The following RAB43 variants were observed in gnomAD, a reference collection of about 807,000 sequenced individuals.
RAB43 encodes the protein ras-related protein Rab-43.
A neutral mutation model predicts 18.8 loss-of-function variants in RAB43; 6 were observed. The observed-to-expected ratio is 0.32, with a 90% CI of 0.17 to 0.63. RAB43 has a LOEUF of 0.63. Ranked by LOEUF, RAB43 falls within the 30% of genes least tolerant of loss-of-function variation. The probability of loss-of-function intolerance (pLI) is 0.79; values close to 1 mark genes in which losing one functional copy is unlikely to be tolerated. For missense variants in RAB43, 195 were observed against 289.1 expected (o/e 0.67, Z 2.36); for synonymous variants, 103 against 124.1 (o/e 0.83, Z 1.13).
intron 2 of RAB43, 103 bp from the exon 3 acceptor site, chr3:129,091,449 C>T (rs951145724): frequency 7.2e-7 from 1 of 1,397,096 alleles, no homozygotes; most frequent in South Asian, 1.4e-5. Context: ...CCTTCCACCA[C>T]TATAAATGGA....
At chr3:129,092,619 T>C (rs965778051) in intron 2 of RAB43, 17 of 583,974 alleles carry the variant, frequency 2.9e-5, no homozygotes, top group Non-Finnish European at 5.2e-5. Context: ...TGTATATAAG[T>C]ATGCATAAAT....
Position 129,121,681 on chromosome 3 carries a change from C to A in RAB43, c.-192G>T. 1 of 386,038 alleles carries A rather than the reference C, an allele frequency of 2.6e-6. No homozygotes were observed. Among genetic ancestry groups the A allele is most frequent in the Non-Finnish European group, 4.5e-6 (1 of 224,280 alleles). 23.9% of individuals were successfully genotyped at this position (386,038 alleles called of 1,614,324 possible). A position where few individuals can be genotyped will look rare whatever the true frequency, so the allele number is the denominator to read the frequency against. On this transcript the variant is annotated 5_prime_UTR_variant, in exon 1 of 3. Coordinates refer to ENST00000315150, the MANE Select transcript of RAB43 (RefSeq NM_198490.3). Reference sequence around the variant, plus strand: ...GCCCCGCCCCACCCCGGCTGGCTCCCGCCCCGGCCCGGCTCGGCCCCGCCC... The same window carrying A: ...GCCCCGCCCCACCCCGGCTGGCTCCAGCCCCGGCCCGGCTCGGCCCCGCCC...
chr3:129,102,032 T>A (rs1934450032), intron 1 of RAB43, among the ~76,000 whole-genome samples: 1 of 152,200 alleles, frequency 6.6e-6, no homozygotes, highest in South Asian at 2.1e-4. Flanking sequence ...CATGCCTCCA[T>A]GACCCAGAAG....
intron 1 of RAB43, among the ~76,000 whole-genome samples, chr3:129,112,555 G>T (rs1935238623): frequency 6.6e-6 from 1 of 152,114 alleles, no homozygotes; most frequent in Non-Finnish European, 1.5e-5. Flanking sequence ...CTGAAGGCCA[G>T]GCTTTTAGGT....
Position 129,121,739 on chromosome 3 carries a change from C to T in RAB43, c.-250G>A. The stretch of plus-strand genomic sequence containing the variant: ...GTGCCCCGCGGGTTCGGCTCCCCCC[C>T]GGACCCGCCAAGCCGGGCCCTCCGC... On this transcript the variant is annotated 5_prime_UTR_variant, in exon 1 of 3. Transcript: ENST00000315150. The T allele has an allele frequency of 3.7e-6, 1 of 266,862 alleles. No homozygotes were observed. Among genetic ancestry groups the T allele is most frequent in the East Asian group, 7.0e-5 (1 of 14,298 alleles). The allele number at this position is 266,862 out of a possible 1,614,324, so 16.5% of individuals were successfully genotyped here.
chr3:129,091,392 A>C (rs558639900), intron 2 of RAB43, 46 bp from the exon 3 acceptor site: 4 of 1,573,188 alleles, frequency 2.5e-6, no homozygotes, highest in South Asian at 1.1e-5. Flanking sequence ...GGGCTGGGCA[A>C]GCCCAGTCCC....
At chr3:129,093,777 T>A (rs1387089232) in intron 2 of RAB43, among the ~76,000 whole-genome samples, 1 of 151,536 alleles carries the variant, frequency 6.6e-6, no homozygotes, top group East Asian at 2.0e-4. Flanking sequence ...GTCTGTACAT[T>A]TGAGTCAGAA....
At chr3:129,106,708 C>T (rs1050343812) in intron 1 of RAB43, among the ~76,000 whole-genome samples, 9 of 152,252 alleles carry the variant, frequency 5.9e-5, no homozygotes, top group African/African-American at 1.7e-4. Flanking sequence ...GTGTCGGGGG[C>T]ACAAATTCTC....
Position 129,121,643 on chromosome 3 carries a change from TGCCTCG to T in RAB43, c.-160_-155del, listed in dbSNP as rs1224097460. 8.7e-5 allele frequency: 46 copies of T among 528,878 alleles called. No individual in the cohort carries two copies. The highest frequency in any genetic ancestry group is 1.0e-4 in the Non-Finnish European group (34 of 326,368). 32.8% of individuals were successfully genotyped at this position (528,878 alleles called of 1,614,324 possible). A position where few individuals can be genotyped will look rare whatever the true frequency, so the allele number is the denominator to read the frequency against. On this transcript the variant is annotated 5_prime_UTR_variant, in exon 1 of 3. Coordinates refer to ENST00000315150, the MANE Select transcript of RAB43 (RefSeq NM_198490.3). Reference sequence around the variant, plus strand: ...TGAACCCCCAGCACTGCCGACCGCCTGCCTCGGCCTCGGCCCCGCCCCACCCCGGCT... The same window carrying T: ...TGAACCCCCAGCACTGCCGACCGCCTGCCTCGGCCCCGCCCCACCCCGGCT...
At chr3:129,091,486 C>T in intron 2 of RAB43, 140 bp from the exon 3 acceptor site, 2 of 1,184,482 alleles carry the variant, frequency 1.7e-6, no homozygotes. Flanking sequence ...ATCTGTCTTT[C>T]TTTAAAAAAC....
chr3:129,099,457 G>A lies in RAB43; in HGVS notation c.205-4288C>T, dbSNP rs375342128. On this transcript the variant is annotated intron_variant, in intron 1 of 2. Coordinates refer to ENST00000315150, the MANE Select transcript of RAB43 (RefSeq NM_198490.3). ...GCTGGAGTGCAATGGCACGATCTTCGCTCACCGCAACCTCCGCCTCCTGAG... is the reference window on the plus strand; with the variant it reads ...GCTGGAGTGCAATGGCACGATCTTCACTCACCGCAACCTCCGCCTCCTGAG... 4.9e-4 allele frequency among the ~76,000 whole-genome samples: 75 copies of A among 151,722 alleles called. 1 individual carries two copies. Among genetic ancestry groups the A allele is most frequent in the African/African-American group, 1.7e-3 (72 of 41,326 alleles).
chr3:129,107,490 G>T lies in RAB43; in HGVS notation c.205-12321C>A, dbSNP rs553801767. On this transcript the variant is annotated intron_variant, in intron 1 of 2. Coordinates refer to ENST00000315150, the MANE Select transcript of RAB43 (RefSeq NM_198490.3). The surrounding 1 kb of genome is among the most constrained non-coding windows in gnomAD (Gnocchi z 4.2). ...TGCCACCCAAACACCTTGCTTGCTT[G>T]CAGGCTCCTTTCAGCACCAGGGAAA... Among the ~76,000 whole-genome samples, 1 of 152,202 alleles carries T rather than the reference G, an allele frequency of 6.6e-6. No individual in the cohort carries two copies. The highest frequency in any genetic ancestry group is 2.1e-4 in the South Asian group (1 of 4,826).
Position 129,095,149 on chromosome 3 carries a change from G to A in RAB43, c.225C>T (p.Ala75=), listed in dbSNP as rs746325910. The change falls in exon 2 of 3, where the codon GCC becomes GCT. Residue 75 remains alanine (A), a synonymous_variant. Transcript: ENST00000315150. This position sits in a 1 kb window ranked among gnomAD's most constrained non-coding sequence, Gnocchi z 4.2. The part of the protein sequence containing the change: ...KRVKLQIWDT[A]GQERFRTITQ... ...TGATGGTGCGGAACCGCTCCTGGCC[G>A]GCCGTGTCCCAGATCTGCAGCTAAA... 27 of 1,612,894 alleles carry A rather than the reference G, an allele frequency of 1.7e-5. No homozygotes were observed. The Middle Eastern group carries it at 6.6e-4, about 39-fold the overall frequency.
At chr3:129,096,842 G>T (rs1559995955) in intron 1 of RAB43, among the ~76,000 whole-genome samples, 1 of 152,200 alleles carries the variant, frequency 6.6e-6, no homozygotes, top group Non-Finnish European at 1.5e-5. Context: ...GCCAGGTGCG[G>T]TGGCTCAAGC....
intron 1 of RAB43, among the ~76,000 whole-genome samples, chr3:129,106,056 G>A (rs999439064): frequency 1.3e-5 from 2 of 152,166 alleles, no homozygotes; most frequent in Middle Eastern, 3.2e-3. Context: ...TGCTTTCCAG[G>A]GATTCCTAGT....
intron 2 of RAB43, among the ~76,000 whole-genome samples, chr3:129,092,883 G>C (rs1227831693): frequency 6.6e-6 from 1 of 151,818 alleles, no homozygotes; most frequent in Non-Finnish European, 1.5e-5. Context: ...GTGAACCCAG[G>C]AGGCAGAGCT....
At chr3:129,101,657 G>A (rs1192478792) in intron 1 of RAB43, among the ~76,000 whole-genome samples, 3 of 152,198 alleles carry the variant, frequency 2.0e-5, no homozygotes, top group East Asian at 1.9e-4. Flanking sequence ...AATGCTTACC[G>A]TGTTAGAGAC....
intron 1 of RAB43, among the ~76,000 whole-genome samples, chr3:129,109,844 T>G (rs1935035446): frequency 6.6e-6 from 1 of 151,866 alleles, no homozygotes; most frequent in South Asian, 2.1e-4. Flanking sequence ...GAGGAGAAAG[T>G]AAAAGTGTGC....
intron 1 of RAB43, among the ~76,000 whole-genome samples, chr3:129,103,370 T>C (rs1241030394): frequency 3.3e-5 from 5 of 152,216 alleles, no homozygotes; most frequent in Non-Finnish European, 7.3e-5. Flanking sequence ...ATGCAGCTTC[T>C]GAAACAGTGC....
Sources: gnomAD v4.1 joint callset for allele counts (sites outside exome capture counted in the v4.1 genomes callset) on GRCh38, gnomAD v4.1.1 for gene constraint, Gnocchi (gnomAD v3.1) non-coding constraint, MANE v1.5 for transcripts, NCBI Gene and HGNC (gene_info 2026-07-23, HGNC 2026-07-21) for gene names.